The following SMG5 variants were observed in gnomAD, a reference collection of about 807,000 sequenced individuals.
The protein encoded by SMG5 is SMG5 nonsense mediated mRNA decay factor.
In SMG5, 53 loss-of-function variants were observed where a neutral mutation model predicts 122.9. The ratio of observed to expected loss-of-function variants is 0.43; its 90% CI spans 0.35 to 0.54. The LOEUF is 0.54. Ranked by LOEUF, SMG5 falls within the 20% of genes least tolerant of loss-of-function variation. The pLI is 0.01. For synonymous variants in SMG5, 477 were observed against 490.2 expected, an observed-to-expected ratio of 0.97 and a Z score of 0.35; for missense variants, 1,153 against 1,285.6, an observed-to-expected ratio of 0.90 and a Z score of 1.58.
intron 19 of SMG5, 66 bp from the exon 20 acceptor site, chr1:156,251,543 G>C: frequency 6.5e-7 from 1 of 1,542,952 alleles, no homozygotes; most frequent in Non-Finnish European, 9.0e-7. Context: ...ACACAAAGCA[G>C]TCTGTTGTGG....
Position 156,278,023 on chromosome 1 carries a change from T to A in SMG5, c.199A>T (p.Met67Leu). 1 of 1,614,072 alleles carries A rather than the reference T, an allele frequency of 6.2e-7. No homozygotes were observed. Among genetic ancestry groups the A allele is most frequent in the Non-Finnish European group, 8.5e-7 (1 of 1,179,998 alleles). Reference protein sequence around the residue: ...NKLRELCVKLMFLHPVDYGRK... With the variant: ...NKLRELCVKLLFLHPVDYGRK... Reference sequence around the variant, plus strand: ...CCATAGTCCACTGGGTGCAGGAACATAAGCTTGACGCAGAGCTCACGCAGC... The same window carrying A: ...CCATAGTCCACTGGGTGCAGGAACAAAAGCTTGACGCAGAGCTCACGCAGC... The change falls in exon 3 of 22, where the codon ATG (methionine) becomes TTG (leucine). Residue 67 changes from methionine (M) to leucine (L), a missense_variant. Met to Leu is a conservative substitution (Grantham distance 15, BLOSUM62 2). Coordinates refer to ENST00000361813, the MANE Select transcript of SMG5 (RefSeq NM_015327.3).
chr1:156,268,526 G>T, intron 7 of SMG5, 111 bp from the exon 8 acceptor site: 3 of 1,375,522 alleles, frequency 2.2e-6, no homozygotes, highest in African/African-American at 1.4e-5. Flanking sequence ...CCCAGCCTCA[G>T]CTTCCATGTA....
rs1662752220 is a variant in SMG5 at position 156,277,843 on chromosome 1, CTCCAACCATGTTCTGCGCCCACT to C, written c.297+59_297+81del. ...TGCCATGTTTTCTTGGCTCCCCTAC[CTCCAACCATGTTCTGCGCCCACT>C]TTCCTAGCTGTCTCTTCCTTCCTTG... On this transcript the variant is annotated intron_variant, in intron 3 of 21. Transcript: ENST00000361813. 4 of 1,578,356 alleles carry C rather than the reference CTCCAACCATGTTCTGCGCCCACT, an allele frequency of 2.5e-6. No homozygotes were observed. The East Asian group carries it at 9.1e-5, about 36-fold the overall frequency.
chr1:156,286,537 A>C, upstream of SMG5: 1 of 1,538,666 alleles, frequency 6.5e-7, no homozygotes, highest in Non-Finnish European at 8.9e-7. Context: ...AGGCATCTGA[A>C]TGTCTGGAGA....
At chr1:156,263,666 G>A in intron 12 of SMG5, 96 bp from the exon 13 acceptor site, 2 of 1,349,644 alleles carry the variant, frequency 1.5e-6, no homozygotes, top group Non-Finnish European at 2.0e-6. Flanking sequence ...GCTTCCACCT[G>A]GCCTGGGCCC....
chr1:156,266,081 G>A lies in SMG5; in HGVS notation c.1555C>T (p.Gln519Ter), dbSNP rs778002985. ...DAETDSEMNS[Q>*]ESRSDLEDME... ...TCTTCCAAGTCTGATCGGGACTCCTGGCTATTCATTTCCGAGTCTGTTTCA... is the reference window on the plus strand; with the variant it reads ...TCTTCCAAGTCTGATCGGGACTCCTAGCTATTCATTTCCGAGTCTGTTTCA... Residue 519 changes from glutamine (Q) to a stop codon, truncating the protein, a stop_gained, in exon 12 of 22, where the codon CAG (glutamine) becomes TAG (stop). Transcript: ENST00000361813. LOFTEE classifies it high-confidence loss of function. 1 of 1,614,182 alleles carries A rather than the reference G, an allele frequency of 6.2e-7. No homozygotes were observed.
chr1:156,268,788 T>G (rs1393768615), intron 7 of SMG5, among the ~76,000 whole-genome samples: 1 of 152,230 alleles, frequency 6.6e-6, no homozygotes, highest in East Asian at 1.9e-4. Flanking sequence ...AATATTTACA[T>G]GCACTATTTC....
Position 156,266,681 on chromosome 1 carries a change from G to T in SMG5, c.1118-3C>A. The T allele has an allele frequency of 6.2e-7, 1 of 1,614,112 alleles. No homozygotes were observed. Among genetic ancestry groups the T allele is most frequent in the South Asian group, 1.1e-5 (1 of 91,076 alleles). The stretch of plus-strand genomic sequence containing the variant: ...GGCTGCACTGTACTGCTTGGATCCT[G>T]AAGTCAGGAAAGCCAGGCATTAGGG... On this transcript the variant is annotated splice_polypyrimidine_tract_variant and splice_region_variant and intron_variant, in intron 10 of 21. Coordinates refer to ENST00000361813, the MANE Select transcript of SMG5 (RefSeq NM_015327.3).
upstream of SMG5, chr1:156,286,435 A>T (rs1347044110): frequency 1.2e-6 from 2 of 1,613,954 alleles, no homozygotes; most frequent in African/African-American, 2.7e-5. Context: ...ATACCCTCAA[A>T]CTGCTCCCTC....
intron 7 of SMG5, among the ~76,000 whole-genome samples, chr1:156,269,679 T>C (rs1192550176): frequency 6.6e-6 from 1 of 151,936 alleles, no homozygotes; most frequent in Non-Finnish European, 1.5e-5. Context: ...ATCGAGACCA[T>C]CCTGGCTAAC....
intron 12 of SMG5, among the ~76,000 whole-genome samples, chr1:156,264,263 G>A (rs1233009075): frequency 6.1e-5 from 3 of 48,880 alleles, no homozygotes; most frequent in Non-Finnish European, 1.0e-4. Context: ...GCGAGACTCC[G>A]TCTCAAAAAA....
chr1:156,274,055 G>A (rs1004940952), intron 5 of SMG5, among the ~76,000 whole-genome samples: 2 of 152,166 alleles, frequency 1.3e-5, no homozygotes, highest in African/African-American at 2.4e-5. Context: ...CCAGGAGTGG[G>A]CTGGGGGCAA....
intron 13 of SMG5, among the ~76,000 whole-genome samples, chr1:156,262,154 G>A (rs1045783343): frequency 2.8e-4 from 43 of 152,084 alleles, no homozygotes; most frequent in African/African-American, 1.0e-3. Context: ...GAGGTCAAGA[G>A]TTCCAGACCA....
the SMG5 span, chr1:156,291,146 G>A: frequency 3.9e-6 from 2 of 512,298 alleles, no homozygotes; most frequent in Non-Finnish European, 6.9e-6. Context: ...AATAAAAGAG[G>A]GAAAGGAATA....
chr1:156,261,135 C>T (rs894400672), intron 14 of SMG5, among the ~76,000 whole-genome samples, 198 bp downstream of exon 14: 8 of 152,220 alleles, frequency 5.3e-5, no homozygotes, highest in African/African-American at 1.9e-4. Flanking sequence ...GACCAGGCCA[C>T]CTGCCCACAA....
Position 156,265,917 on chromosome 1 carries a change from C to G in SMG5, c.1719G>C (p.Gln573His). The change falls in exon 12 of 22, where the codon CAG (glutamine) becomes CAC (histidine). Residue 573 changes from glutamine to histidine, a missense_variant. Transcript: ENST00000361813. The stretch of plus-strand genomic sequence containing the variant: ...GGAAGCAGCGCTTAGTCTGGAACAT[C>G]TGGGTGGACATGGCTTGTAGATTGC... Reference protein sequence around the residue: ...IASNLQAMSTQMFQTKRCFRL... With the variant: ...IASNLQAMSTHMFQTKRCFRL... 1 of 1,614,180 alleles carries G rather than the reference C, an allele frequency of 6.2e-7. No individual in the cohort carries two copies. The highest frequency in any genetic ancestry group is 1.1e-5 in the South Asian group (1 of 91,080).
intron 13 of SMG5, 43 bp from the exon 14 acceptor site, chr1:156,261,451 T>C (rs1572579364): frequency 2.6e-6 from 4 of 1,550,640 alleles, no homozygotes; most frequent in South Asian, 2.2e-5. Context: ...CTAGAGACAG[T>C]GGTGGAGAAC....
rs775484323 is a variant in SMG5 at position 156,272,404 on chromosome 1, G to A, written c.635-6C>T. 10 of 1,596,898 alleles carry A rather than the reference G, an allele frequency of 6.3e-6. No individual in the cohort carries two copies. In the Admixed American group the frequency reaches 8.5e-5, roughly 14 times the overall value. On this transcript the variant is annotated splice_region_variant and splice_polypyrimidine_tract_variant and intron_variant, in intron 6 of 21. Transcript: ENST00000361813. ...CAGCTGATTGAAGGGCATTCCTAGG[G>A]AGAAAGAGAATTCATGCAGTCTAAG... is the stretch of plus-strand genomic sequence containing the variant.
rs754061877 is a variant in SMG5 at position 156,265,753 on chromosome 1, G to C, written c.1855+28C>G. 1.9e-5 allele frequency: 31 copies of C among 1,603,366 alleles called. 1 individual carries two copies. Among genetic ancestry groups the C allele is most frequent in the Non-Finnish European group, 1.7e-5 (20 of 1,174,252 alleles). ...GTCTATGGCATGGAGGTGCGGACCAGAACAGGATGATGAAGTGGTCCAAAT... is the reference window on the plus strand; with the variant it reads ...GTCTATGGCATGGAGGTGCGGACCACAACAGGATGATGAAGTGGTCCAAAT... On this transcript the variant is annotated intron_variant, in intron 12 of 21. Coordinates refer to ENST00000361813, the MANE Select transcript of SMG5 (RefSeq NM_015327.3).
Sources: gnomAD v4.1 joint callset for allele counts (sites outside exome capture counted in the v4.1 genomes callset) on GRCh38, gnomAD v4.1.1 for gene constraint, MANE v1.5 for transcripts, NCBI Gene and HGNC (gene_info 2026-07-23, HGNC 2026-07-21) for gene names.